The following ZC4H2 variants were observed in gnomAD, a reference collection of about 807,000 sequenced individuals.
ZC4H2 encodes the protein zinc finger C4H2-type containing, also known as zinc finger C4H2 domain-containing protein.
For missense variants in ZC4H2, 137 were observed against 173.9 expected (o/e 0.79, Z 1.19); for synonymous variants, 84 against 66.3 (o/e 1.27, Z -1.30).
At chrX:64,977,301 A>G (rs184055575), upstream of ZC4H2, among the ~76,000 whole-genome samples, 1 of 110,981 alleles carries the variant, frequency 9.0e-6, no homozygotes, top group East Asian at 2.8e-4. Flanking sequence ...CAATAGAGAG[A>G]GAAAGGAAAG....
At chrX:64,989,244 A>C (rs1378925402) in intron 1 of ZC4H2, among the ~76,000 whole-genome samples, 1 of 111,867 alleles carries the variant, frequency 8.9e-6, no homozygotes, top group East Asian at 2.8e-4. Flanking sequence ...AGTTTTTTCC[A>C]ATTCTGTGAA....
chrX:64,988,865 T>G (rs1401222307), intron 1 of ZC4H2, among the ~76,000 whole-genome samples: 1 of 111,694 alleles, frequency 9.0e-6, no homozygotes, highest in Non-Finnish European at 1.9e-5. Context: ...GGTCTAACAT[T>G]TAAGTCTTCA....
chrX:64,945,162 T>C (rs1196034651), intron 1 of ZC4H2, among the ~76,000 whole-genome samples: 1 of 112,994 alleles, frequency 8.9e-6, no homozygotes, highest in Non-Finnish European at 1.9e-5. Context: ...GGTGGCATTG[T>C]AGCTTTTGGA....
chrX:64,949,439 C>T (rs1439698914), intron 1 of ZC4H2, among the ~76,000 whole-genome samples: 1 of 111,205 alleles, frequency 9.0e-6, no homozygotes, highest in Non-Finnish European at 1.9e-5. Flanking sequence ...TAAAACTTTA[C>T]CATATTTGAT....
intron 1 of ZC4H2, among the ~76,000 whole-genome samples, chrX:64,947,106 T>C (rs1018509934): frequency 8.9e-6 from 1 of 112,406 alleles, no homozygotes; most frequent in African/African-American, 3.2e-5. Flanking sequence ...CATTCAGATA[T>C]ATGTTGTTTA....
Position 64,917,652 on chromosome X carries a change from GGTT to G in ZC4H2, c.*128_*130del, listed in dbSNP as rs1295435213. On this transcript the variant is annotated 3_prime_UTR_variant, in exon 5 of 5. Coordinates refer to ENST00000374839, the MANE Select transcript of ZC4H2 (RefSeq NM_018684.4). Reference sequence around the variant, plus strand: ...AGAAATAGGAGCAAAGTGAGAGAGGGGTTGTGCTTCCATCACATTAAATAGGAG... The same window carrying G: ...AGAAATAGGAGCAAAGTGAGAGAGGGGTGCTTCCATCACATTAAATAGGAG... 7 of 925,070 alleles carry G rather than the reference GGTT, an allele frequency of 7.6e-6. No homozygotes were observed. In the East Asian group the frequency reaches 2.4e-4, roughly 32 times the overall value. 76.2% of individuals were successfully genotyped at this position (925,070 alleles called of 1,213,427 possible).
At chrX:64,919,984 TTGTG>T in intron 3 of ZC4H2, 93 bp downstream of exon 3, 2 of 938,245 alleles carry the variant, frequency 2.1e-6, no homozygotes, top group South Asian at 6.5e-5. Flanking sequence ...AGGCTAGGCT[TTGTG>T]TATGTATACC....
intron 1 of ZC4H2, among the ~76,000 whole-genome samples, chrX:65,008,504 A>T (rs1932704629): frequency 8.9e-6 from 1 of 112,481 alleles, no homozygotes; most frequent in South Asian, 3.6e-4. Flanking sequence ...CAAAGAGATA[A>T]CTGCCCTCCC....
intron 1 of ZC4H2, among the ~76,000 whole-genome samples, chrX:64,951,053 G>A (rs764376827): frequency 4.5e-5 from 5 of 110,632 alleles, no homozygotes; most frequent in Admixed American, 9.7e-5. Flanking sequence ...GAGAACATGC[G>A]GTGTTTGGTT....
intron 1 of ZC4H2, among the ~76,000 whole-genome samples, chrX:64,955,383 CACTG>C (rs1931114965): frequency 9.0e-6 from 1 of 111,654 alleles, no homozygotes; most frequent in Non-Finnish European, 1.9e-5. Context: ...TTTTATGGAT[CACTG>C]ACTGAGGACA....
intron 1 of ZC4H2, among the ~76,000 whole-genome samples, chrX:64,961,596 A>G (rs1931392663): frequency 9.0e-6 from 1 of 110,552 alleles, no homozygotes; most frequent in African/African-American, 3.3e-5. Context: ...AGCAGAAATA[A>G]GCCAAATAAA....
intron 1 of ZC4H2, among the ~76,000 whole-genome samples, chrX:64,984,100 G>A (rs1245663619): frequency 3.6e-5 from 4 of 111,157 alleles, no homozygotes; most frequent in Non-Finnish European, 5.7e-5. Flanking sequence ...CATCCTCCAT[G>A]GTTTTTGAGT....
intron 1 of ZC4H2, among the ~76,000 whole-genome samples, chrX:65,026,487 G>A: frequency 9.1e-6 from 1 of 109,899 alleles, no homozygotes; most frequent in South Asian, 3.9e-4. Context: ...GAGACAGGTG[G>A]ATCACGAGGC....
At chrX:64,983,047 A>G (rs1471417928) in intron 1 of ZC4H2, among the ~76,000 whole-genome samples, 1 of 111,134 alleles carries the variant, frequency 9.0e-6, no homozygotes, top group Non-Finnish European at 1.9e-5. Flanking sequence ...ATCACGTATA[A>G]TTGCCCAGCT....
intron 1 of ZC4H2, among the ~76,000 whole-genome samples, chrX:65,006,472 C>T (rs1414863993): frequency 9.2e-6 from 1 of 108,309 alleles, no homozygotes; most frequent in Non-Finnish European, 1.9e-5. Context: ...AAAAACCAAG[C>T]ACTGCATGTT....
chrX:65,022,253 G>T (rs923226380), intron 1 of ZC4H2, among the ~76,000 whole-genome samples: 2 of 111,811 alleles, frequency 1.8e-5, no homozygotes, highest in African/African-American at 6.5e-5. Flanking sequence ...TATCCCTGAT[G>T]AACATCAATG....
chrX:64,976,505 G>A (rs1931955806), upstream of ZC4H2: 2 of 717,475 alleles, frequency 2.8e-6, no homozygotes, highest in Non-Finnish European at 4.3e-6. Flanking sequence ...GCTTGGAGAG[G>A]CCTGGGAGCT....
chrX:64,954,987 T>C (rs1166059963), intron 1 of ZC4H2, among the ~76,000 whole-genome samples: 1 of 111,856 alleles, frequency 8.9e-6, no homozygotes, highest in Non-Finnish European at 1.9e-5. Flanking sequence ...TAATTAAGCA[T>C]GGACTCATGG....
rs6653206 is a variant in ZC4H2 at position 64,917,843 on chromosome X, A to T, written c.615T>A (p.Leu205=). ...TCCGGGACCGACTCTTGGCCTTGCA[A>T]AGAGGGCATATAGGTGCATTCCGGT... is the stretch of plus-strand genomic sequence containing the variant. The part of the protein sequence containing the change: ...QIHRNAPICP[L]CKAKSRSRNP... The change falls in exon 5 of 5, where the codon CTT becomes CTA. Residue 205 remains leucine, a synonymous_variant. Coordinates refer to ENST00000374839, the MANE Select transcript of ZC4H2 (RefSeq NM_018684.4). 18,629 of 1,208,636 alleles carry T rather than the reference A, an allele frequency of 0.015. 1,907 individuals carry two copies. The African/African-American group carries it at 0.29, about 19-fold the overall frequency.
Sources: gnomAD v4.1 joint callset for allele counts (sites outside exome capture counted in the v4.1 genomes callset) on GRCh38, gnomAD v4.1.1 for gene constraint, MANE v1.5 for transcripts, NCBI Gene and HGNC (gene_info 2026-07-23, HGNC 2026-07-21) for gene names.